The following CRYBG1 variants were observed in gnomAD, a reference collection of about 807,000 sequenced individuals.
The protein encoded by CRYBG1 is crystallin beta-gamma domain containing 1, also known as beta/gamma crystallin domain-containing protein 1.
A neutral mutation model predicts 189.2 loss-of-function variants in CRYBG1; 139 were observed. The ratio of observed to expected loss-of-function variants is 0.73; its 90% CI spans 0.64 to 0.85. The LOEUF (loss-of-function observed/expected upper bound fraction) is 0.85. CRYBG1 is among the 40% of genes least tolerant of loss of function. CRYBG1 has a pLI of 0.00. For synonymous variants in CRYBG1, 1,023 were observed against 1,017.1 expected, an observed-to-expected ratio of 1.01 and a Z score of -0.11; for missense variants, 2,611 against 2,675.8, an observed-to-expected ratio of 0.98 and a Z score of 0.53.
intron 2 of CRYBG1, among the ~76,000 whole-genome samples, chr6:106,475,362 G>C (rs776876563): frequency 1.3e-5 from 2 of 152,198 alleles, no homozygotes; most frequent in African/African-American, 4.8e-5. Flanking sequence ...AAACAGAACA[G>C]CAAATATGAA....
intron 17 of CRYBG1, among the ~76,000 whole-genome samples, chr6:106,558,079 C>T (rs535979354): frequency 5.9e-5 from 9 of 152,232 alleles, no homozygotes; most frequent in Admixed American, 5.2e-4. Context: ...TACCACTGTA[C>T]ACTAAGTGAC....
At chr6:106,431,668 C>T (rs554644969) in intron 1 of CRYBG1, among the ~76,000 whole-genome samples, 2 of 152,156 alleles carry the variant, frequency 1.3e-5, no homozygotes, top group South Asian at 2.1e-4. Context: ...GAAAAATACA[C>T]ACAGAAATGG....
chr6:106,539,421 A>G lies in CRYBG1; in HGVS notation c.4737A>G (p.Glu1579=), dbSNP rs199948955. 134 of 1,613,904 alleles carry G rather than the reference A, an allele frequency of 8.3e-5. No individual in the cohort carries two copies. Among genetic ancestry groups the G allele is most frequent in the Admixed American group, 8.3e-5 (5 of 59,974 alleles). Residue 1579 remains glutamate, a synonymous_variant, in exon 9 of 22, where the codon GAA becomes GAG. Transcript: ENST00000633556. ...VHWGTWLIYE[E]PGFQGVPFIL... ...TATTTAGGTGGCTGATTTATGAAGA[A>G]CCTGGATTTCAGGGTGTTCCTTTCA...
intron 18 of CRYBG1, 116 bp from the exon 19 acceptor site, chr6:106,560,687 T>G: frequency 8.4e-7 from 1 of 1,193,762 alleles, no homozygotes. Flanking sequence ...TTTCCCCCAA[T>G]GTATGTTAAA....
At position 106,552,168 on chromosome 6, in the gene CRYBG1, C is replaced by T. The variant is rs752662490; in HGVS notation, c.5440-16C>T. The T allele has an allele frequency of 1.0e-4, 166 of 1,583,562 alleles. No individual in the cohort carries two copies. Among genetic ancestry groups the T allele is most frequent in the Non-Finnish European group, 1.4e-4 (164 of 1,162,442 alleles). ...TTCTATTCATTTCCTTTTCTCCTTC[C>T]TTTAAAAATTTTTAGGATTCTTTCA... On this transcript the variant is annotated splice_polypyrimidine_tract_variant and intron_variant, in intron 14 of 21. Coordinates refer to ENST00000633556, the MANE Select transcript of CRYBG1 (RefSeq NM_001371242.2).
rs1330288635 is a variant in CRYBG1, at chr6:106,512,281, A to G, written c.1164A>G (p.Ala388=). The G allele has an allele frequency of 3.2e-6, 5 of 1,575,938 alleles. No homozygotes were observed. Among genetic ancestry groups the G allele is most frequent in the Non-Finnish European group, 4.3e-6 (5 of 1,164,288 alleles). The change falls in exon 3 of 22, where the codon GCA becomes GCG. Residue 388 remains alanine, a synonymous_variant. Coordinates refer to ENST00000633556, the MANE Select transcript of CRYBG1 (RefSeq NM_001371242.2). ...TCTACTTGAGTAAGACTGAGGGGGC[A>G]CAAGTGGACGAGCCGGTCGTGATTA... The part of the protein sequence containing the change: ...LDIYLSKTEG[A]QVDEPVVITP...
chr6:106,404,208 A>G (rs1022928230), intron 1 of CRYBG1, among the ~76,000 whole-genome samples: 5 of 152,200 alleles, frequency 3.3e-5, no homozygotes, highest in Non-Finnish European at 7.3e-5. Context: ...GCGAGGTTAG[A>G]TGCCTAGGAA....
intron 2 of CRYBG1, among the ~76,000 whole-genome samples, chr6:106,453,506 A>T (rs9486350): frequency 0.033 from 5,050 of 152,344 alleles, 297 homozygotes; most frequent in African/African-American, 0.12. Flanking sequence ...ATAATTTTTA[A>T]CTAGGGGAAA....
At chr6:106,495,840 A>G (rs1021561810) in intron 2 of CRYBG1, among the ~76,000 whole-genome samples, 3 of 149,140 alleles carry the variant, frequency 2.0e-5, no homozygotes, top group Non-Finnish European at 4.5e-5. Context: ...AAAAAAAACA[A>G]CTTTCCCCCC....
intron 8 of CRYBG1, among the ~76,000 whole-genome samples, chr6:106,531,681 A>C (rs1394127722): frequency 2.0e-5 from 3 of 152,168 alleles, no homozygotes; most frequent in Non-Finnish European, 4.4e-5. Context: ...ACATTTTGAA[A>C]TATAAGACAC....
intron 1 of CRYBG1, among the ~76,000 whole-genome samples, chr6:106,366,282 G>A (rs143048349): frequency 4.6e-5 from 7 of 152,256 alleles, no homozygotes; most frequent in African/African-American, 1.7e-4. Flanking sequence ...ATTTAAACTG[G>A]TTAGTACTGA....
At chr6:106,445,032 T>C (rs981984873) in intron 1 of CRYBG1, among the ~76,000 whole-genome samples, 6 of 151,852 alleles carry the variant, frequency 4.0e-5, no homozygotes, top group Non-Finnish European at 7.4e-5. Flanking sequence ...CCCAGGAAGG[T>C]GAATGCAATC....
chr6:106,391,357 C>T (rs1770498679), intron 1 of CRYBG1, among the ~76,000 whole-genome samples: 1 of 152,206 alleles, frequency 6.6e-6, no homozygotes, highest in African/African-American at 2.4e-5. Flanking sequence ...GCTGGGATTA[C>T]AGGCGTGAGC....
Position 106,566,167 on chromosome 6 carries a change from G to GAAAAAAAAAA in CRYBG1, c.6301+2248_6301+2257dup, listed in dbSNP as rs34366986. Among the ~76,000 whole-genome samples the GAAAAAAAAAA allele has an allele frequency of 4.0e-5, 5 of 123,914 alleles. 1 individual carries two copies. Among genetic ancestry groups the GAAAAAAAAAA allele is most frequent in the African/African-American group, 1.2e-4 (4 of 33,928 alleles). The allele number at this position is 123,914 out of a possible 152,430, so 81.3% of individuals were successfully genotyped here. A position where few individuals can be genotyped will look rare whatever the true frequency, so the allele number is the denominator to read the frequency against. On this transcript the variant is annotated intron_variant, in intron 21 of 21. Coordinates refer to ENST00000633556, the MANE Select transcript of CRYBG1 (RefSeq NM_001371242.2). ...TGCTAGACACGGAGGGCACCAGCGT[G>GAAAAAAAAAA]AAAAAAAAAAAAAAAAGCCTCCTCC... is the stretch of plus-strand genomic sequence containing the variant.
At chr6:106,396,120 T>A (rs1770603082) in intron 1 of CRYBG1, among the ~76,000 whole-genome samples, 1 of 152,252 alleles carries the variant, frequency 6.6e-6, no homozygotes, top group African/African-American at 2.4e-5. Context: ...TTTACTAGGA[T>A]GCCTAAGTGC....
intron 1 of CRYBG1, among the ~76,000 whole-genome samples, chr6:106,438,399 G>A (rs1562307329): frequency 6.6e-6 from 1 of 152,170 alleles, no homozygotes; most frequent in African/African-American, 2.4e-5. Context: ...CTCTCTCACA[G>A]TCTGGGGGCT....
chr6:106,454,573 A>C (rs1771847470), intron 2 of CRYBG1, among the ~76,000 whole-genome samples: 1 of 152,206 alleles, frequency 6.6e-6, no homozygotes, highest in South Asian at 2.1e-4. Flanking sequence ...GGAGGGAGTT[A>C]TATCAAGGAC....
chr6:106,558,334 A>C lies in CRYBG1; in HGVS notation c.5716-152A>C, dbSNP rs574883567. On this transcript the variant is annotated intron_variant, in intron 17 of 21. Transcript: ENST00000633556. ...GTGCTTTCTCTCTAGCTTGGAGTAC[A>C]CAAACATCCAGGCTCCCTTGGAAAA... The C allele has an allele frequency of 1.3e-5, 8 of 599,516 alleles. No individual in the cohort carries two copies. The South Asian group carries it at 1.8e-4, about 14-fold the overall frequency. 37.1% of individuals were successfully genotyped at this position (599,516 alleles called of 1,614,324 possible).
At chr6:106,517,137 T>C (rs2114532926) in intron 3 of CRYBG1, among the ~76,000 whole-genome samples, 1 of 150,344 alleles carries the variant, frequency 6.7e-6, no homozygotes, top group Admixed American at 6.7e-5. Flanking sequence ...GCCTTTGGAA[T>C]AGCTGGGACT....
Sources: gnomAD v4.1 joint callset for allele counts (sites outside exome capture counted in the v4.1 genomes callset) on GRCh38, gnomAD v4.1.1 for gene constraint, MANE v1.5 for transcripts, NCBI Gene and HGNC (gene_info 2026-07-23, HGNC 2026-07-21) for gene names.